Variants in ERI1 observed in about 807,000 individuals in gnomAD.
ERI1 encodes exoribonuclease 1.
ERI1 carries 39 observed loss-of-function variants against 39.7 expected under a neutral mutation model. That is an observed-to-expected ratio of 0.98 (90% confidence interval 0.76 to 1.28). ERI1 has a LOEUF of 1.28. Among genes scored for constraint, ERI1 ranks in the 50% most tolerant of loss-of-function variants. The pLI, the probability that ERI1 is intolerant of heterozygous loss-of-function variation, is 0.00. For synonymous variants in ERI1, 204 were observed against 149.6 expected (o/e 1.36, Z -2.65); for missense variants, 581 against 416.9 (o/e 1.39, Z -3.43).
chr8:9,055,338 C>A lies in ERI1; in HGVS notation n.299+34874C>A, dbSNP rs1254065093. ...TTATAGTTCATGATGTGCTTTAGGT[C>A]AAACTTAAAATATGTAAGGAGAGAG... is the stretch of plus-strand genomic sequence containing the variant. On this transcript the variant is annotated intron_variant and non_coding_transcript_variant, in intron 3 of 3. Transcript: ENST00000518663. 2.0e-5 allele frequency among the ~76,000 whole-genome samples: 3 copies of A among 152,212 alleles called. No individual in the cohort carries two copies. The East Asian group carries it at 5.8e-4, about 29-fold the overall frequency.
At chr8:9,058,210 G>T (rs866108158) in intron 3 of ERI1, among the ~76,000 whole-genome samples, 1 of 152,232 alleles carries the variant, frequency 6.6e-6, no homozygotes, top group Non-Finnish European at 1.5e-5. Flanking sequence ...TGGAGCTGGT[G>T]AGTGAAAAGA....
chr8:9,046,681 A>G (rs760954540), intron 3 of ERI1, among the ~76,000 whole-genome samples: 37 of 152,238 alleles, frequency 2.4e-4, no homozygotes, highest in Non-Finnish European at 4.7e-4. Context: ...GGAAAAAGCA[A>G]AAACACCTTT....
intron 6 of ERI1, among the ~76,000 whole-genome samples, chr8:9,021,975 C>T (rs1817957091): frequency 6.6e-6 from 1 of 151,232 alleles, no homozygotes; most frequent in Non-Finnish European, 1.5e-5. Context: ...GTGCATGTCC[C>T]CTGGTGTCTG....
downstream of ERI1, among the ~76,000 whole-genome samples, chr8:9,038,064 AT>A (rs1247044123): frequency 6.6e-6 from 1 of 152,224 alleles, no homozygotes; most frequent in African/African-American, 2.4e-5. Context: ...ATTTAAAGCT[AT>A]TCCTAAGTTC....
intron 6 of ERI1, among the ~76,000 whole-genome samples, chr8:9,027,960 T>G (rs377363552): frequency 1.2e-4 from 18 of 152,228 alleles, no homozygotes; most frequent in African/African-American, 4.3e-4. Flanking sequence ...AATATGCTGC[T>G]GATTTAAATT....
chr8:9,034,193 A>G (rs1282692530), downstream of ERI1, among the ~76,000 whole-genome samples: 1 of 152,242 alleles, frequency 6.6e-6, no homozygotes, highest in African/African-American at 2.4e-5. Flanking sequence ...CGGATGCCCG[A>G]GGCTTTAAAC....
intron 3 of ERI1, among the ~76,000 whole-genome samples, chr8:9,071,774 G>C (rs1359588661): frequency 1.3e-5 from 2 of 152,186 alleles, no homozygotes; most frequent in Non-Finnish European, 2.9e-5. Flanking sequence ...GAAATAGAAT[G>C]ACAGAGAGAG....
intron 1 of ERI1, chr8:9,003,995 C>A: frequency 1.0e-6 from 1 of 967,528 alleles, no homozygotes; most frequent in Non-Finnish European, 1.4e-6. Context: ...GAGTCACTTC[C>A]ATTTGCTGCT....
intron 3 of ERI1, chr8:9,049,696 A>G (rs1274856388): frequency 6.6e-6 from 1 of 152,204 alleles, no homozygotes; most frequent in Non-Finnish European, 1.5e-5. Flanking sequence ...TCTCAGAAGC[A>G]TGCCCTTTGA....
intron 3 of ERI1, among the ~76,000 whole-genome samples, chr8:9,014,785 G>T (rs28398439): frequency 6.6e-6 from 1 of 152,184 alleles, no homozygotes; most frequent in Non-Finnish European, 1.5e-5. Flanking sequence ...GAATGTTGCA[G>T]TGTATCCGGT....
intron 6 of ERI1, among the ~76,000 whole-genome samples, chr8:9,023,554 CTGTT>C (rs1216756251): frequency 1.3e-5 from 2 of 151,854 alleles, no homozygotes; most frequent in Non-Finnish European, 2.9e-5. Flanking sequence ...CTTTGTGCAC[CTGTT>C]TATTTTGGCC....
At chr8:9,098,737 T>C (rs1293808388) in intron 3 of ERI1, among the ~76,000 whole-genome samples, 1 of 152,124 alleles carries the variant, frequency 6.6e-6, no homozygotes, top group Non-Finnish European at 1.5e-5. Context: ...AAAAAAATTT[T>C]TAATAAAGAA....
chr8:9,088,987 T>C (rs143066867), intron 3 of ERI1, among the ~76,000 whole-genome samples: 1 of 152,194 alleles, frequency 6.6e-6, no homozygotes, highest in African/African-American at 2.4e-5. Context: ...TACAGTGTTA[T>C]GTGGTGGCCT....
chr8:9,061,092 GGGAGC>G (rs1798679765), intron 3 of ERI1, among the ~76,000 whole-genome samples: 1 of 152,186 alleles, frequency 6.6e-6, no homozygotes, highest in Non-Finnish European at 1.5e-5. Context: ...GGTAATGGAG[GGGAGC>G]GGAGCGGTAG....
At chr8:9,004,245 C>G in intron 1 of ERI1, 1 of 1,213,118 alleles carries the variant, frequency 8.2e-7, no homozygotes, top group Non-Finnish European at 1.1e-6. Flanking sequence ...TAAAGAACCA[C>G]TCTTCCACCT....
chr8:9,015,865 G>A (rs1008204291), intron 3 of ERI1, among the ~76,000 whole-genome samples: 2 of 151,900 alleles, frequency 1.3e-5, no homozygotes, highest in African/African-American at 4.8e-5. Flanking sequence ...AGTTCAATTG[G>A]ATTTTTATAT....
intron 6 of ERI1, among the ~76,000 whole-genome samples, chr8:9,028,471 A>T (rs184136901): frequency 1.1e-4 from 16 of 152,204 alleles, no homozygotes; most frequent in African/African-American, 3.6e-4. Flanking sequence ...CTTTGTGATT[A>T]TCCCAGTAAC....
At position 9,030,184 on chromosome 8, in the gene ERI1, G is replaced by C. The variant is rs1313909521; in HGVS notation, c.*150G>C. ...GTGATAGAGATAGATACATGTATGTGAACAGATTTTGTAGGAAGGCATACT... is the reference window on the plus strand; with the variant it reads ...GTGATAGAGATAGATACATGTATGTCAACAGATTTTGTAGGAAGGCATACT... On this transcript the variant is annotated 3_prime_UTR_variant, in exon 7 of 7. Transcript: ENST00000250263. 4 of 1,056,774 alleles carry C rather than the reference G, an allele frequency of 3.8e-6. No individual in the cohort carries two copies. In the Admixed American group the frequency reaches 1.1e-4, roughly 29 times the overall value. The allele number at this position is 1,056,774 out of a possible 1,614,324, so 65.5% of individuals were successfully genotyped here.
intron 6 of ERI1, among the ~76,000 whole-genome samples, chr8:9,024,746 A>T (rs550177532): frequency 1.3e-5 from 2 of 152,300 alleles, no homozygotes; most frequent in African/African-American, 4.8e-5. Context: ...TTATAGGCCT[A>T]TGTATATGCA....
Sources: gnomAD v4.1 joint callset for allele counts (sites outside exome capture counted in the v4.1 genomes callset) on GRCh38, gnomAD v4.1.1 for gene constraint, MANE v1.5 for transcripts, NCBI Gene and HGNC (gene_info 2026-07-23, HGNC 2026-07-21) for gene names.